The following PACSIN1 variants were observed in gnomAD, a reference collection of about 807,000 sequenced individuals.
The protein encoded by PACSIN1 is protein kinase C and casein kinase substrate in neurons protein 1.
In PACSIN1, 15 loss-of-function variants were observed where a neutral mutation model predicts 59.5. That is an observed-to-expected ratio of 0.25 (90% confidence interval 0.17 to 0.39). The LOEUF is 0.39. Ranked by LOEUF, PACSIN1 falls within the 10% of genes least tolerant of loss-of-function variation. PACSIN1 has a pLI of 1.00. For synonymous variants in PACSIN1, 210 were observed against 220.6 expected (o/e 0.95, Z 0.42); for missense variants, 420 against 580.2 (o/e 0.72, Z 2.84).
chr6:34,474,041 T>C (rs1202686007), intron 1 of PACSIN1, among the ~76,000 whole-genome samples: 1 of 152,234 alleles, frequency 6.6e-6, no homozygotes, highest in Non-Finnish European at 1.5e-5. Flanking sequence ...GGTTGATATG[T>C]CTTAGTCTCT....
intron 1 of PACSIN1, among the ~76,000 whole-genome samples, chr6:34,522,043 C>T (rs533080104): frequency 6.6e-6 from 1 of 152,170 alleles, no homozygotes; most frequent in Non-Finnish European, 1.5e-5. Context: ...TCTTGGTCTC[C>T]GCAAGAAGAA....
At chr6:34,497,494 A>G (rs1208727584) in intron 1 of PACSIN1, among the ~76,000 whole-genome samples, 2 of 152,042 alleles carry the variant, frequency 1.3e-5, no homozygotes, top group African/African-American at 4.8e-5. Flanking sequence ...AACAATTGGG[A>G]AGCTTCTCCA....
At position 34,514,368 on chromosome 6, in the gene PACSIN1, G is replaced by A. The variant is rs1290000524; in HGVS notation, c.-63-11875G>A. On this transcript the variant is annotated intron_variant, in intron 1 of 9. Coordinates refer to ENST00000244458, the MANE Select transcript of PACSIN1 (RefSeq NM_020804.5). The surrounding 1 kb of genome is among the most constrained non-coding windows in gnomAD (Gnocchi z 4.4). ...TTCCAATCTGTCAAATGGGTATGAA[G>A]CCTTATGGCACGAGGTTGTGCATGA... Among the ~76,000 whole-genome samples, 4 of 152,126 alleles carry A rather than the reference G, an allele frequency of 2.6e-5. No homozygotes were observed. Among genetic ancestry groups the A allele is most frequent in the African/African-American group, 9.7e-5 (4 of 41,428 alleles).
At chr6:34,501,901 G>A (rs112861836) in intron 1 of PACSIN1, among the ~76,000 whole-genome samples, 1,988 of 151,942 alleles carry the variant, frequency 0.013, 39 homozygotes, top group African/African-American at 0.045. Flanking sequence ...GTGTGGTGGC[G>A]CACAACTGTA....
At chr6:34,482,071 TTTTTTTGTTTTTTG>T (rs530744069) in intron 1 of PACSIN1, among the ~76,000 whole-genome samples, 9 of 152,114 alleles carry the variant, frequency 5.9e-5, no homozygotes, top group African/African-American at 1.2e-4. Flanking sequence ...TCTTTTTTTG[TTTTTTTGTTTTTTG>T]TTTTTTGTTT....
At chr6:34,493,059 C>T (rs755090264) in intron 1 of PACSIN1, among the ~76,000 whole-genome samples, 10 of 152,148 alleles carry the variant, frequency 6.6e-5, no homozygotes, top group South Asian at 2.1e-4. Context: ...CCATATGGAG[C>T]GCTGGGGCTG....
chr6:34,500,710 T>C (rs1767011892), intron 1 of PACSIN1, among the ~76,000 whole-genome samples: 1 of 152,232 alleles, frequency 6.6e-6, no homozygotes, highest in Non-Finnish European at 1.5e-5. Context: ...CATTGACTTC[T>C]CTCTAGCTAT....
chr6:34,475,533 C>G (rs1235601657), intron 1 of PACSIN1, among the ~76,000 whole-genome samples: 1 of 152,192 alleles, frequency 6.6e-6, no homozygotes, highest in Admixed American at 6.5e-5. Flanking sequence ...TTACCTTCCT[C>G]CAGACAAGGG....
At position 34,521,695 on chromosome 6, in the gene PACSIN1, C is replaced by T. The variant is rs781766349; in HGVS notation, c.-63-4548C>T. On this transcript the variant is annotated intron_variant, in intron 1 of 9. Coordinates refer to ENST00000244458, the MANE Select transcript of PACSIN1 (RefSeq NM_020804.5). The surrounding 1 kb of genome is among the most constrained non-coding windows in gnomAD (Gnocchi z 4.3). ...AGAGAGGGCCACCCCTGAGATGGAG[C>T]TGTTGCTCCACTACAGGCAACGGCG... 6.6e-6 allele frequency among the ~76,000 whole-genome samples: 1 copy of T among 152,136 alleles called. No homozygotes were observed. Among genetic ancestry groups the T allele is most frequent in the African/African-American group, 2.4e-5 (1 of 41,416 alleles).
chr6:34,510,513 G>A (rs1767184657), intron 1 of PACSIN1, among the ~76,000 whole-genome samples: 1 of 152,166 alleles, frequency 6.6e-6, no homozygotes, highest in South Asian at 2.1e-4. Flanking sequence ...CCATTCAGCT[G>A]TGGGCTGCTT....
chr6:34,496,690 A>G (rs1766952003), intron 1 of PACSIN1, among the ~76,000 whole-genome samples: 1 of 152,176 alleles, frequency 6.6e-6, no homozygotes, highest in Non-Finnish European at 1.5e-5. Flanking sequence ...GTACAAATGA[A>G]ATGGTTAGAC....
At chr6:34,524,613 C>G (rs944063814) in intron 1 of PACSIN1, among the ~76,000 whole-genome samples, 1 of 152,226 alleles carries the variant, frequency 6.6e-6, no homozygotes, top group African/African-American at 2.4e-5. Context: ...TGCACCATAA[C>G]TTATTGACCC....
At chr6:34,496,992 A>C (rs1190639997) in intron 1 of PACSIN1, among the ~76,000 whole-genome samples, 4 of 115,492 alleles carry the variant, frequency 3.5e-5, no homozygotes, top group African/African-American at 1.4e-4. Context: ...TCTGTCACCC[A>C]GGCTGGAGTG....
chr6:34,476,172 GC>G (rs1415166311), intron 1 of PACSIN1, among the ~76,000 whole-genome samples: 1 of 152,138 alleles, frequency 6.6e-6, no homozygotes, highest in South Asian at 2.1e-4. Context: ...CCCCTACTGA[GC>G]CCTCATGAGT....
At position 34,505,164 on chromosome 6, in the gene PACSIN1, T is replaced by A. The variant is rs771699848; in HGVS notation, c.-63-21079T>A. ...TGCACGCCACCACACCCAGCTGATT[T>A]AAAAATTTTTTTTTGTAGAGATAGG... On this transcript the variant is annotated intron_variant, in intron 1 of 9. Coordinates refer to ENST00000244458, the MANE Select transcript of PACSIN1 (RefSeq NM_020804.5). Among the ~76,000 whole-genome samples the A allele has an allele frequency of 1.1e-3, 168 of 152,204 alleles. 3 individuals carry two copies. The highest frequency in any genetic ancestry group is 3.4e-3 in the Middle Eastern group (1 of 294).
chr6:34,521,249 G>T lies in PACSIN1; in HGVS notation c.-63-4994G>T, dbSNP rs774913041. ...ATAATACGGAGAGGACAGGGAGGAG[G>T]TGGGGGCTCAGGACCTGCTGGTGGC... On this transcript the variant is annotated intron_variant, in intron 1 of 9. Coordinates refer to ENST00000244458, the MANE Select transcript of PACSIN1 (RefSeq NM_020804.5). The surrounding 1 kb of genome is among the most constrained non-coding windows in gnomAD (Gnocchi z 4.3). Among the ~76,000 whole-genome samples the T allele has an allele frequency of 6.6e-6, 1 of 152,202 alleles. No homozygotes were observed. The highest frequency in any genetic ancestry group is 1.5e-5 in the Non-Finnish European group (1 of 68,036).
At chr6:34,483,046 C>T (rs1320635043) in intron 1 of PACSIN1, among the ~76,000 whole-genome samples, 2 of 149,148 alleles carry the variant, frequency 1.3e-5, no homozygotes, top group South Asian at 2.1e-4. Flanking sequence ...CTCTTGGTGC[C>T]CAGGCTGGAG....
Position 34,503,461 on chromosome 6 carries a change from C to T in PACSIN1, c.-63-22782C>T, listed in dbSNP as rs796700629. Among the ~76,000 whole-genome samples, 39 of 152,266 alleles carry T rather than the reference C, an allele frequency of 2.6e-4. 1 individual carries two copies. Among genetic ancestry groups the T allele is most frequent in the Admixed American group, 9.8e-4 (15 of 15,292 alleles). On this transcript the variant is annotated intron_variant, in intron 1 of 9. Transcript: ENST00000244458. The stretch of plus-strand genomic sequence containing the variant: ...ACCAGATGGAAGTCAGAGTGAGTAT[C>T]GTCAGCACCGTTAGCCACACTGGAG...
At chr6:34,520,479 C>T (rs905440092) in intron 1 of PACSIN1, among the ~76,000 whole-genome samples, 16 of 152,192 alleles carry the variant, frequency 1.1e-4, no homozygotes, top group Admixed American at 7.9e-4. Context: ...GAAGGACCCA[C>T]CCCTGGGTCT....
Sources: gnomAD v4.1 joint callset for allele counts (sites outside exome capture counted in the v4.1 genomes callset) on GRCh38, gnomAD v4.1.1 for gene constraint, Gnocchi (gnomAD v3.1) non-coding constraint, MANE v1.5 for transcripts, NCBI Gene and HGNC (gene_info 2026-07-23, HGNC 2026-07-21) for gene names.